The following KCTD1 variants were observed in gnomAD, a reference collection of about 807,000 sequenced individuals.
The protein encoded by KCTD1 is BTB/POZ domain-containing protein KCTD1.
In KCTD1, 24 loss-of-function variants were observed where a neutral mutation model predicts 66.0. That is an observed-to-expected ratio of 0.36 (90% confidence interval 0.26 to 0.51). The LOEUF (loss-of-function observed/expected upper bound fraction) is 0.51. Among genes scored for constraint, KCTD1 ranks in the 20% least tolerant of loss-of-function variants. The pLI, the probability that KCTD1 is intolerant of heterozygous loss-of-function variation, is 0.95. For missense variants in KCTD1, 943 were observed against 1,205.2 expected, an observed-to-expected ratio of 0.78 and a Z score of 3.22; for synonymous variants, 511 against 517.2, an observed-to-expected ratio of 0.99 and a Z score of 0.16.
intron 1 of KCTD1, among the ~76,000 whole-genome samples, chr18:26,606,241 T>C (rs1987012872): frequency 6.6e-6 from 1 of 152,150 alleles, no homozygotes; most frequent in African/African-American, 2.4e-5. Context: ...AGGCCTGTGT[T>C]GATGTTAATG....
intron 1 of KCTD1, among the ~76,000 whole-genome samples, chr18:26,628,902 A>G (rs535285303): frequency 2.6e-5 from 4 of 152,328 alleles, no homozygotes; most frequent in African/African-American, 7.2e-5. Flanking sequence ...AGAGGTTTTT[A>G]AACTATGGCT....
chr18:26,615,339 A>G (rs2145002405), intron 1 of KCTD1, among the ~76,000 whole-genome samples: 1 of 152,274 alleles, frequency 6.6e-6, no homozygotes, highest in African/African-American at 2.4e-5. Flanking sequence ...GGTTATGTCA[A>G]AGCTACTGGA....
At chr18:26,649,167 C>T (rs1987981597) in intron 1 of KCTD1, among the ~76,000 whole-genome samples, 1 of 152,204 alleles carries the variant, frequency 6.6e-6, no homozygotes, top group South Asian at 2.1e-4. Context: ...TGTTCCATTC[C>T]CTGGCAGCAC....
Position 26,546,973 on chromosome 18 carries a change from C to A in KCTD1, c.1564G>T (p.Val522Phe). 1 of 1,472,366 alleles carries A rather than the reference C, an allele frequency of 6.8e-7. No individual in the cohort carries two copies. The highest frequency in any genetic ancestry group is 9.0e-7 in the Non-Finnish European group (1 of 1,106,102). 91.2% of individuals were successfully genotyped at this position (1,472,366 alleles called of 1,614,324 possible). The change falls in exon 1 of 5, where the codon GTC (valine) becomes TTC (phenylalanine). Residue 522 changes from valine (V) to phenylalanine (F), a missense_variant. Val to Phe is a conservative substitution (Grantham distance 50, BLOSUM62 -1). Transcript: ENST00000580059. ...GCCTCGGATTTCACGTCGGGCCCGA[C>A]CTGGCTGTCTTTGGGGAGGATGTAA... ...NTYILPKDSQ[V>F]GPDVKSEAAP...
intron 1 of KCTD1, among the ~76,000 whole-genome samples, chr18:26,568,199 A>G (rs1208376320): frequency 6.6e-6 from 1 of 151,800 alleles, no homozygotes; most frequent in African/African-American, 2.4e-5. Context: ...GTAGTTAACA[A>G]ATATAAATGG....
chr18:26,640,910 G>C (rs1246123973), upstream of KCTD1, among the ~76,000 whole-genome samples: 1 of 152,142 alleles, frequency 6.6e-6, no homozygotes, highest in Non-Finnish European at 1.5e-5. Context: ...GAGAGGACAA[G>C]GACGGCAGAG....
At chr18:26,457,333 G>A (rs1352979386) in intron 4 of KCTD1, 5 of 152,090 alleles carry the variant, frequency 3.3e-5, no homozygotes. Context: ...ATACAAAGAC[G>A]AAGAACAGCT....
At chr18:26,548,999 C>G, upstream of KCTD1, 1 of 985,342 alleles carries the variant, frequency 1.0e-6, no homozygotes, top group Non-Finnish European at 1.2e-6. Context: ...GCCCCTTCCA[C>G]TGCCCCCTCA....
chr18:26,537,291 C>T (rs1256098328), intron 1 of KCTD1, among the ~76,000 whole-genome samples: 1 of 152,042 alleles, frequency 6.6e-6, no homozygotes, highest in African/African-American at 2.4e-5. Flanking sequence ...ATAGTTTTGT[C>T]AGAAAGAATA....
intron 1 of KCTD1, among the ~76,000 whole-genome samples, chr18:26,562,722 G>A (rs1239782596): frequency 6.6e-6 from 1 of 152,232 alleles, no homozygotes; most frequent in Non-Finnish European, 1.5e-5. Flanking sequence ...GAGGCTGGAA[G>A]TCCAAGATTA....
At chr18:26,536,508 A>C (rs1567984679) in intron 1 of KCTD1, among the ~76,000 whole-genome samples, 1 of 152,194 alleles carries the variant, frequency 6.6e-6, no homozygotes, top group Non-Finnish European at 1.5e-5. Flanking sequence ...CTTCAGGTTT[A>C]ACTGTTTAGT....
chr18:26,564,769 A>T lies in KCTD1; in HGVS notation c.-15-63519T>A, dbSNP rs142194922. On this transcript the variant is annotated intron_variant, in intron 1 of 4. Coordinates refer to the KCTD1 transcript ENST00000317932. The stretch of plus-strand genomic sequence containing the variant: ...TCGGGCATGGTGATGCACGCCTGTA[A>T]TTCCAGCTATTCGGGAGGCCGAGGC... Among the ~76,000 whole-genome samples the T allele has an allele frequency of 1.5e-3, 229 of 152,140 alleles. 3 individuals carry two copies. Among genetic ancestry groups the T allele is most frequent in the African/African-American group, 5.3e-3 (219 of 41,500 alleles).
At chr18:26,549,422 C>T, upstream of KCTD1, 1 of 985,624 alleles carries the variant, frequency 1.0e-6, no homozygotes, top group Non-Finnish European at 1.2e-6. Flanking sequence ...TGGGGCAAGT[C>T]CGCGCCGGTC....
intron 1 of KCTD1, among the ~76,000 whole-genome samples, chr18:26,635,030 A>C (rs1987694701): frequency 2.0e-5 from 3 of 152,252 alleles, no homozygotes; most frequent in African/African-American, 7.2e-5. Flanking sequence ...GAACAAAAAC[A>C]TCAAAAATTT....
At chr18:26,504,023 C>G (rs79946847) in intron 1 of KCTD1, among the ~76,000 whole-genome samples, 5,451 of 152,284 alleles carry the variant, frequency 0.036, 134 homozygotes, top group East Asian at 0.084. Context: ...CTAGTTAACA[C>G]AGTCAGAGCT....
chr18:26,547,455 G>A lies in KCTD1; in HGVS notation c.1082C>T (p.Ser361Leu). The change falls in exon 1 of 5, where the codon TCG becomes TTG. Residue 361 changes from serine (S) to leucine (L), a missense_variant. Ser to Leu is a moderately radical substitution (Grantham distance 145). This residue lies in a region of KCTD1 where 66 missense variants were observed against 61.6 expected (regional missense o/e 1.07). Transcript: ENST00000580059. ...LGPYHKSRSSSWSKKRAESSD... is the reference protein window; with the variant it reads ...LGPYHKSRSSLWSKKRAESSD... ...GCTCTCGGCGCGCTTCTTGCTCCAC[G>A]ACGACGAGCGCGACTTGTGGTAGGG... The A allele has an allele frequency of 1.3e-6, 2 of 1,551,462 alleles. No homozygotes were observed. Among genetic ancestry groups the A allele is most frequent in the Non-Finnish European group, 1.7e-6 (2 of 1,146,948 alleles).
intron 1 of KCTD1, among the ~76,000 whole-genome samples, chr18:26,578,681 T>C (rs997468457): frequency 2.0e-5 from 3 of 152,208 alleles, no homozygotes; most frequent in Admixed American, 2.0e-4. Context: ...GGTGACTGTA[T>C]GAAGGAGCCC....
At chr18:26,617,875 GGGAGGGAA>G (rs1987291198) in intron 1 of KCTD1, among the ~76,000 whole-genome samples, 1 of 134,566 alleles carries the variant, frequency 7.4e-6, no homozygotes, top group African/African-American at 3.0e-5. Flanking sequence ...GAGGGAGGGA[GGGAGGGAA>G]GGAGGGCAGG....
At chr18:26,632,425 A>G (rs566726574), upstream of KCTD1, among the ~76,000 whole-genome samples, 92 of 152,270 alleles carry the variant, frequency 6.0e-4, no homozygotes, top group Admixed American at 3.1e-3. Context: ...ATAAATCAAC[A>G]TAAAGACAGG....
Sources: gnomAD v4.1 joint callset for allele counts (sites outside exome capture counted in the v4.1 genomes callset) on GRCh38, gnomAD v4.1.1 for gene constraint, gnomAD v4.1.1 regional missense constraint, MANE v1.5 for transcripts, NCBI Gene and HGNC (gene_info 2026-07-23, HGNC 2026-07-21) for gene names.